Variants in LYST observed in about 807,000 individuals in gnomAD.
LYST encodes the protein lysosomal-trafficking regulator.
A neutral mutation model predicts 413.6 loss-of-function variants in LYST; 192 were observed. The observed-to-expected ratio is 0.46, with a 90% confidence interval of 0.41 to 0.52. The LOEUF (loss-of-function observed/expected upper bound fraction) is 0.52. Ranked by LOEUF, LYST falls within the 20% of genes least tolerant of loss-of-function variation. The pLI is 0.00. For synonymous variants in LYST, 1,525 were observed against 1,567.3 expected, an observed-to-expected ratio of 0.97 and a Z score of 0.64; for missense variants, 3,815 against 4,499.9, an observed-to-expected ratio of 0.85 and a Z score of 4.35.
rs188395576 is a variant in LYST at position 235,769,520 on chromosome 1, T to A, written c.5922+640A>T. Among the ~76,000 whole-genome samples, 49 of 152,158 alleles carry A rather than the reference T, an allele frequency of 3.2e-4. 1 individual carries two copies. In the East Asian group the frequency reaches 4.2e-3, roughly 13 times the overall value. On this transcript the variant is annotated intron_variant, in intron 20 of 52. Transcript: ENST00000389793. ...ATGGAGTATCTGTACTTATCTAACT[T>A]GACAAAGTTCTAATCGATGCCTTAG...
At chr1:235,818,993 C>A (rs564616172) in intron 3 of LYST, among the ~76,000 whole-genome samples, 6 of 152,226 alleles carry the variant, frequency 3.9e-5, no homozygotes, top group African/African-American at 7.2e-5. Context: ...TGTTCTCCCC[C>A]TCAAGAGAAA....
chr1:235,689,845 A>C (rs1030394340), intron 47 of LYST, among the ~76,000 whole-genome samples: 1 of 152,222 alleles, frequency 6.6e-6, no homozygotes, highest in African/African-American at 2.4e-5. Context: ...ATTTTAAACA[A>C]CTTTATTCAA....
chr1:235,847,071 G>C (rs917486978), intron 1 of LYST, among the ~76,000 whole-genome samples: 1 of 152,178 alleles, frequency 6.6e-6, no homozygotes, highest in African/African-American at 2.4e-5. Flanking sequence ...TAGGCACATT[G>C]TCATGAGGTT....
At chr1:235,838,097 A>G (rs544851497) in intron 1 of LYST, among the ~76,000 whole-genome samples, 3 of 152,286 alleles carry the variant, frequency 2.0e-5, no homozygotes, top group African/African-American at 7.2e-5. Flanking sequence ...GAAGATTAGT[A>G]TATTTGGCAA....
chr1:235,809,546 G>A lies in LYST; in HGVS notation c.1272C>T (p.Phe424=). ...CCAAATCCATGGCTTGACTGAAGTA[G>A]AAGGGATTTGAAGCTGCACTTTGAA... ...CCLQSAASNP[F]YFSQAMDLVQ... Residue 424 remains phenylalanine, a synonymous_variant, in exon 5 of 53, where the codon TTC becomes TTT. Coordinates refer to ENST00000389793, the MANE Select transcript of LYST (RefSeq NM_000081.4). The surrounding 1 kb of genome is among the most constrained non-coding windows in gnomAD (Gnocchi z 4.0). 1 of 1,614,022 alleles carries A rather than the reference G, an allele frequency of 6.2e-7. No homozygotes were observed. The highest frequency in any genetic ancestry group is 8.5e-7 in the Non-Finnish European group (1 of 1,179,946).
At chr1:235,771,225 G>C (rs143539409) in intron 19 of LYST, among the ~76,000 whole-genome samples, 2 of 151,988 alleles carry the variant, frequency 1.3e-5, no homozygotes, top group African/African-American at 4.8e-5. Flanking sequence ...CTGAAAAGTA[G>C]TACCAAGATA....
At position 235,716,692 on chromosome 1, in the gene LYST, C is replaced by T. The variant is rs186755053; in HGVS notation, c.9627+20G>A. ...ACACAATTTTTCATTTAATAAAGTA[C>T]GAGTAAAAACAAAAGCTACCTTGTA... On this transcript the variant is annotated intron_variant, in intron 41 of 52. Transcript: ENST00000389793. 103 of 1,486,172 alleles carry T rather than the reference C, an allele frequency of 6.9e-5. No homozygotes were observed. The Middle Eastern group carries it at 7.0e-4, about 10-fold the overall frequency. 92.1% of individuals were successfully genotyped at this position (1,486,172 alleles called of 1,614,324 possible).
chr1:235,881,047 G>C (rs1681353897), intron 1 of LYST, among the ~76,000 whole-genome samples: 2 of 152,086 alleles, frequency 1.3e-5, no homozygotes, highest in African/African-American at 2.4e-5. Context: ...AATCAGCCTA[G>C]GAAATTAAGT....
chr1:235,882,174 A>G (rs1333077180), intron 1 of LYST, among the ~76,000 whole-genome samples: 1 of 151,996 alleles, frequency 6.6e-6, no homozygotes, highest in Non-Finnish European at 1.5e-5. Context: ...CACAAAGGAG[A>G]TGGCTTTGTC....
At chr1:235,798,381 A>C (rs1194357629) in intron 10 of LYST, among the ~76,000 whole-genome samples, 3 of 151,732 alleles carry the variant, frequency 2.0e-5, no homozygotes, top group African/African-American at 7.3e-5. Context: ...AATAGGGAAA[A>C]CTGGCAGGGA....
intron 1 of LYST, among the ~76,000 whole-genome samples, chr1:235,874,387 AG>A (rs2103232823): frequency 6.6e-6 from 1 of 152,316 alleles, no homozygotes; most frequent in South Asian, 2.1e-4. Context: ...ACTATAGTCG[AG>A]GGAGATGAAG....
rs141823118 is a variant in LYST at position 235,674,336 on chromosome 1, C to T, written c.11038+2755G>A. 2.8e-4 allele frequency among the ~76,000 whole-genome samples: 43 copies of T among 151,636 alleles called. No homozygotes were observed. In the East Asian group the frequency reaches 7.0e-3, roughly 25 times the overall value. On this transcript the variant is annotated intron_variant, in intron 50 of 52. Coordinates refer to ENST00000389793, the MANE Select transcript of LYST (RefSeq NM_000081.4). This position sits in a 1 kb window ranked among gnomAD's most constrained non-coding sequence, Gnocchi z 4.1. ...TGCCAAGCAAGTGGAGTGGCATTTG[C>T]GCTCTAATCCAATTAGCCATCCCTT...
intron 32 of LYST, 81 bp from the exon 33 acceptor site, chr1:235,733,987 T>C (rs1664606195): frequency 5.7e-6 from 4 of 700,558 alleles, no homozygotes; most frequent in Non-Finnish European, 7.0e-6. Flanking sequence ...ACAAACTAAT[T>C]TTAAAACCCA....
At chr1:235,672,670 T>C (rs563641989) in intron 50 of LYST, among the ~76,000 whole-genome samples, 1 of 152,334 alleles carries the variant, frequency 6.6e-6, no homozygotes, top group South Asian at 2.1e-4. Flanking sequence ...ATTACTTTTA[T>C]AACTAAAGAA....
chr1:235,715,125 G>T, intron 42 of LYST, 76 bp downstream of exon 42: 3 of 1,193,554 alleles, frequency 2.5e-6, no homozygotes, highest in East Asian at 2.3e-5. Flanking sequence ...TAAAATGTCA[G>T]TCCTAAGTTG....
chr1:235,772,086 A>T (rs1042159368), intron 19 of LYST, among the ~76,000 whole-genome samples: 4 of 151,996 alleles, frequency 2.6e-5, no homozygotes, highest in African/African-American at 9.7e-5. Flanking sequence ...TTATCCAAGC[A>T]TGGTGGTGCA....
chr1:235,851,438 C>G (rs1253919249), intron 1 of LYST, among the ~76,000 whole-genome samples: 1 of 151,914 alleles, frequency 6.6e-6, no homozygotes, highest in Non-Finnish European at 1.5e-5. Context: ...TAAAAGACTA[C>G]AAATATGGTA....
chr1:235,687,360 GGATT>G (rs1263663816), intron 47 of LYST, among the ~76,000 whole-genome samples: 1 of 152,064 alleles, frequency 6.6e-6, no homozygotes, highest in African/African-American at 2.4e-5. Flanking sequence ...AAATGATTCA[GGATT>G]GATTAAATCC....
intron 50 of LYST, among the ~76,000 whole-genome samples, chr1:235,670,105 C>T (rs1658811780): frequency 6.6e-6 from 1 of 150,882 alleles, no homozygotes; most frequent in Non-Finnish European, 1.5e-5. Context: ...CCTCTATATG[C>T]CCAGACATGC....
Sources: gnomAD v4.1 joint callset for allele counts (sites outside exome capture counted in the v4.1 genomes callset) on GRCh38, gnomAD v4.1.1 for gene constraint, Gnocchi (gnomAD v3.1) non-coding constraint, MANE v1.5 for transcripts, NCBI Gene and HGNC (gene_info 2026-07-23, HGNC 2026-07-21) for gene names.